The following GRM1 variants were observed in gnomAD, a reference collection of about 807,000 sequenced individuals.
GRM1 encodes the protein glutamate metabotropic receptor 1, also known as metabotropic glutamate receptor 1.
Under a neutral mutation model 90.9 loss-of-function variants are expected in GRM1, and 33 were observed. The observed-to-expected ratio is 0.36, with a 90% CI of 0.28 to 0.49. The LOEUF is 0.49. GRM1 is among the 20% of genes least tolerant of loss of function. The pLI, the probability that GRM1 is intolerant of heterozygous loss-of-function variation, is 0.99. For missense variants in GRM1, 1,190 were observed against 1,534.3 expected (o/e 0.78, Z 3.75); for synonymous variants, 700 against 613.2 (o/e 1.14, Z -2.09).
chr6:146,324,719 C>T (rs1170407711), intron 3 of GRM1, among the ~76,000 whole-genome samples: 3 of 152,084 alleles, frequency 2.0e-5, no homozygotes, highest in Non-Finnish European at 4.4e-5. Flanking sequence ...AGGCAATGCC[C>T]CACCCTGCTT....
chr6:146,324,957 A>G (rs1275518054), intron 3 of GRM1, among the ~76,000 whole-genome samples: 2 of 152,208 alleles, frequency 1.3e-5, no homozygotes, highest in East Asian at 3.9e-4. Flanking sequence ...AGAAATTTTT[A>G]CCAAAGATGA....
chr6:146,243,628 G>A (rs1780944100), intron 2 of GRM1, among the ~76,000 whole-genome samples: 3 of 152,026 alleles, frequency 2.0e-5, no homozygotes. Flanking sequence ...ATATCACAAG[G>A]CAAATGGAGG....
At chr6:146,344,202 C>A (rs543264601) in intron 3 of GRM1, among the ~76,000 whole-genome samples, 24 of 152,246 alleles carry the variant, frequency 1.6e-4, no homozygotes, top group African/African-American at 5.1e-4. Context: ...ACCTGCTATT[C>A]ATTTATTTGT....
Position 146,145,013 on chromosome 6 carries a change from C to T in GRM1, c.701-14335C>T, listed in dbSNP as rs569389248. ...ATGCCCAAGGGCTTTGTGGAAAGTC[C>T]AACTTAAGAGTAATGATCTAGAATA... is the stretch of plus-strand genomic sequence containing the variant. On this transcript the variant is annotated intron_variant, in intron 1 of 7. Transcript: ENST00000282753. Among the ~76,000 whole-genome samples the T allele has an allele frequency of 3.0e-4, 46 of 152,184 alleles. 2 individuals are homozygous for T. The South Asian group carries it at 9.3e-3, about 31-fold the overall frequency.
At chr6:146,096,382 A>C (rs1776874582) in intron 1 of GRM1, among the ~76,000 whole-genome samples, 1 of 152,142 alleles carries the variant, frequency 6.6e-6, no homozygotes, top group South Asian at 2.1e-4. Context: ...AGTAAGAGGA[A>C]GGGACTTGCT....
At position 146,328,295 on chromosome 6, in the gene GRM1, C is replaced by T. The variant is rs552201813; in HGVS notation, c.1186+23449C>T. On this transcript the variant is annotated intron_variant, in intron 3 of 7. Coordinates refer to ENST00000282753, the MANE Select transcript of GRM1 (RefSeq NM_001278064.2). Reference sequence around the variant, plus strand: ...GATACCCACTACGCCTAAGCCCATACACACACACACATATACACACTGACA... The same window carrying T: ...GATACCCACTACGCCTAAGCCCATATACACACACACATATACACACTGACA... Among the ~76,000 whole-genome samples the T allele has an allele frequency of 2.6e-5, 4 of 152,084 alleles. 1 individual carries two copies. The South Asian group carries it at 8.3e-4, about 32-fold the overall frequency.
At chr6:146,235,701 C>CGTGTGT (rs71028383) in intron 2 of GRM1, among the ~76,000 whole-genome samples, 4,299 of 102,798 alleles carry the variant, frequency 0.042, 245 homozygotes, top group African/African-American at 0.12. Flanking sequence ...TCTCTGTTAC[C>CGTGTGT]GTGTGTGTGT....
chr6:146,387,322 GC>G (rs1461575447), intron 6 of GRM1, among the ~76,000 whole-genome samples: 1 of 150,374 alleles, frequency 6.7e-6, no homozygotes, highest in African/African-American at 2.4e-5. Context: ...ATTTATATTT[GC>G]AATCATTTCT....
intron 7 of GRM1, among the ~76,000 whole-genome samples, chr6:146,425,025 T>G (rs1778146209): frequency 6.6e-6 from 1 of 152,234 alleles, no homozygotes; most frequent in South Asian, 2.1e-4. Context: ...GTTTTTCTAA[T>G]TTTATTAAAT....
chr6:146,101,724 T>A (rs771550286), intron 1 of GRM1, among the ~76,000 whole-genome samples: 3 of 151,808 alleles, frequency 2.0e-5, no homozygotes, highest in Non-Finnish European at 4.4e-5. Flanking sequence ...ATAGTAATTA[T>A]AACTGGTATA....
intron 1 of GRM1, among the ~76,000 whole-genome samples, chr6:146,086,640 G>T (rs143591119): frequency 6.6e-5 from 10 of 151,926 alleles, no homozygotes; most frequent in African/African-American, 1.7e-4. Context: ...CTCTCTCGGG[G>T]GAGAAGATCA....
intron 1 of GRM1, among the ~76,000 whole-genome samples, chr6:146,101,806 A>G (rs1460626989): frequency 6.7e-6 from 1 of 149,054 alleles, no homozygotes; most frequent in Non-Finnish European, 1.5e-5. Context: ...AGTAATAATA[A>G]CACTATAATT....
At chr6:146,398,651 T>C in intron 6 of GRM1, 118 bp from the exon 7 acceptor site, 1 of 804,702 alleles carries the variant, frequency 1.2e-6, no homozygotes, top group Non-Finnish European at 2.2e-6. Flanking sequence ...TAAAAAAGCA[T>C]TAAATGCTGT....
chr6:146,287,631 C>T lies in GRM1; in HGVS notation c.951-16980C>T, dbSNP rs79504884. Among the ~76,000 whole-genome samples, 30 of 152,244 alleles carry T rather than the reference C, an allele frequency of 2.0e-4. No homozygotes were observed. The East Asian group carries it at 4.1e-3, about 21-fold the overall frequency. ...GTGCCAGTCCCTTGAAAATATTGAC[C>T]CAACTCATGTTTACAACATAAATTT... On this transcript the variant is annotated intron_variant, in intron 2 of 7. Transcript: ENST00000282753.
chr6:146,230,528 G>A (rs973037119), intron 2 of GRM1, among the ~76,000 whole-genome samples: 20 of 152,160 alleles, frequency 1.3e-4, no homozygotes, highest in Non-Finnish European at 2.9e-5. Context: ...TGTTGGCAAG[G>A]ATGTGGAACA....
At chr6:146,102,340 G>A (rs1777079770) in intron 1 of GRM1, among the ~76,000 whole-genome samples, 1 of 152,072 alleles carries the variant, frequency 6.6e-6, no homozygotes, top group Non-Finnish European at 1.5e-5. Flanking sequence ...ACTATTGAAT[G>A]GTAAACTATC....
intron 5 of GRM1, among the ~76,000 whole-genome samples, chr6:146,362,415 C>T (rs1392396444): frequency 1.3e-5 from 2 of 152,104 alleles, no homozygotes; most frequent in Non-Finnish European, 2.9e-5. Flanking sequence ...TGCGGTGGCT[C>T]ACGCCTGTAA....
chr6:146,125,980 T>C (rs1776184376), intron 1 of GRM1, among the ~76,000 whole-genome samples: 1 of 152,146 alleles, frequency 6.6e-6, no homozygotes, highest in African/African-American at 2.4e-5. Flanking sequence ...TTTTAATCTG[T>C]TTTTTAAAAT....
chr6:146,050,940 G>C (rs547688177), intron 1 of GRM1, among the ~76,000 whole-genome samples: 66 of 152,146 alleles, frequency 4.3e-4, no homozygotes, highest in African/African-American at 1.5e-3. Context: ...ACAGAGCGTT[G>C]CAATCAACCC....
Sources: allele counts gnomAD v4.1 joint callset (sites outside exome capture counted in the v4.1 genomes callset), GRCh38; gene constraint gnomAD v4.1.1; transcripts MANE v1.5; gene names NCBI Gene and HGNC (gene_info 2026-07-23, HGNC 2026-07-21).